The following GLI3 variants were observed in gnomAD, a reference collection of about 807,000 sequenced individuals.
The protein encoded by GLI3 is transcription activator GLI3.
Under a neutral mutation model 100.8 loss-of-function variants are expected in GLI3, and 20 were observed. The ratio of observed to expected loss-of-function variants is 0.20; its 90% CI spans 0.14 to 0.29. GLI3 has a LOEUF of 0.29. GLI3 is among the 10% of genes least tolerant of loss of function. The pLI, the probability that GLI3 is intolerant of heterozygous loss-of-function variation, is 1.00. For missense variants in GLI3, 2,040 were observed against 2,128.5 expected, an observed-to-expected ratio of 0.96 and a Z score of 0.82; for synonymous variants, 938 against 860.5, an observed-to-expected ratio of 1.09 and a Z score of -1.58.
chr7:42,142,703 C>T (rs1786597781), intron 3 of GLI3, among the ~76,000 whole-genome samples: 1 of 151,658 alleles, frequency 6.6e-6, no homozygotes, highest in Non-Finnish European at 1.5e-5. Flanking sequence ...TCCAAGTTGT[C>T]TTGCAATGCA....
At chr7:42,182,935 A>T (rs1446797928) in intron 2 of GLI3, among the ~76,000 whole-genome samples, 2 of 151,634 alleles carry the variant, frequency 1.3e-5, no homozygotes, top group Non-Finnish European at 2.9e-5. Flanking sequence ...TACACAAAAA[A>T]ATTAGCTGGG....
At chr7:42,185,394 T>A (rs1787699092) in intron 2 of GLI3, among the ~76,000 whole-genome samples, 2 of 152,248 alleles carry the variant, frequency 1.3e-5, no homozygotes, top group Admixed American at 1.3e-4. Context: ...CGCATCTTTT[T>A]CCTGCATCCA....
intron 3 of GLI3, among the ~76,000 whole-genome samples, chr7:42,113,905 C>T (rs566031011): frequency 5.3e-5 from 8 of 152,174 alleles, no homozygotes; most frequent in Non-Finnish European, 1.2e-4. Context: ...GACTTTGATA[C>T]ACATGTCCAC....
intron 2 of GLI3, among the ~76,000 whole-genome samples, chr7:42,192,819 T>TTC (rs1297508933): frequency 1.3e-5 from 2 of 152,204 alleles, no homozygotes; most frequent in African/African-American, 4.8e-5. Flanking sequence ...CCACCTTGAA[T>TTC]TCGTGCCTTT....
chr7:42,047,160 T>C (rs921827021), intron 5 of GLI3, among the ~76,000 whole-genome samples: 34 of 152,274 alleles, frequency 2.2e-4, no homozygotes, highest in African/African-American at 6.7e-4. Context: ...TTTCTCAAAA[T>C]AAAATAAAAT....
At position 41,965,676 on chromosome 7, in the gene GLI3, C is replaced by T. The variant is rs768034418; in HGVS notation, c.3397G>A (p.Gly1133Arg). The change falls in exon 15 of 15, where the codon GGG (glycine) becomes AGG (arginine). Residue 1133 changes from glycine to arginine, a missense_variant. Coordinates refer to ENST00000395925, the MANE Select transcript of GLI3 (RefSeq NM_000168.6). ...TGGCCAGCGTGGCTGTCTGGCAGCCCGGGCGCGTCAAAGTCACCGGGCCCG... is the reference window on the plus strand; with the variant it reads ...TGGCCAGCGTGGCTGTCTGGCAGCCTGGGCGCGTCAAAGTCACCGGGCCCG... ...PHGPGDFDAP[G>R]LPDSHAGQQF... 1.4e-5 allele frequency: 22 copies of T among 1,613,064 alleles called. No homozygotes were observed. Among genetic ancestry groups the T allele is most frequent in the East Asian group, 2.2e-5 (1 of 44,836 alleles).
chr7:42,159,623 C>T (rs1371704578), intron 2 of GLI3, among the ~76,000 whole-genome samples: 2 of 152,152 alleles, frequency 1.3e-5, no homozygotes, highest in South Asian at 4.2e-4. Context: ...TCCATCCATG[C>T]GATATTAAAA....
At chr7:41,980,530 C>T (rs1787633072) in intron 10 of GLI3, among the ~76,000 whole-genome samples, 2 of 151,908 alleles carry the variant, frequency 1.3e-5, no homozygotes, top group South Asian at 2.1e-4. Context: ...GCTCTTGGTT[C>T]AGTTTTCCAA....
chr7:42,204,162 C>T (rs1788101972), intron 2 of GLI3, among the ~76,000 whole-genome samples: 3 of 152,070 alleles, frequency 2.0e-5, no homozygotes, highest in African/African-American at 7.2e-5. Context: ...CTAGCATCGC[C>T]TTCATGGGCC....
At chr7:41,980,007 T>A (rs990399760) in intron 10 of GLI3, among the ~76,000 whole-genome samples, 5 of 152,184 alleles carry the variant, frequency 3.3e-5, no homozygotes, top group African/African-American at 1.2e-4. Context: ...TTTACAAAAG[T>A]AAAGTTTTCT....
At chr7:42,168,545 A>C (rs902618694) in intron 2 of GLI3, among the ~76,000 whole-genome samples, 1 of 152,232 alleles carries the variant, frequency 6.6e-6, no homozygotes, top group Non-Finnish European at 1.5e-5. Context: ...ACAACTACAT[A>C]TAATGTAGAT....
rs1787146289 is a variant in GLI3 at position 41,965,615 on chromosome 7, C to T, written c.3458G>A (p.Gly1153Asp). 2 of 1,608,394 alleles carry T rather than the reference C, an allele frequency of 1.2e-6. No homozygotes were observed. The highest frequency in any genetic ancestry group is 8.5e-7 in the Non-Finnish European group (1 of 1,175,504). ...FHALEQPCPE[G>D]SKTDLPIQWN... is the part of the protein sequence containing the mutation. ...CTGAATGGGCAGGTCGGTTTTGCTG[C>T]CCTCGGGGCAGGGCTGCTCGAGGGC... is the stretch of plus-strand genomic sequence containing the variant. The change falls in exon 15 of 15, where the codon GGC (glycine) becomes GAC (aspartate). Residue 1153 changes from glycine to aspartate, a missense_variant. Gly to Asp is a moderately conservative substitution (Grantham distance 94). Transcript: ENST00000395925.
At chr7:42,117,073 GAATTCCCTATT>G (rs1411985440) in intron 3 of GLI3, among the ~76,000 whole-genome samples, 3 of 152,220 alleles carry the variant, frequency 2.0e-5, no homozygotes, top group Non-Finnish European at 4.4e-5. Flanking sequence ...ACCTATGGCA[GAATTCCCTATT>G]TTGTGGGAGT....
chr7:42,100,462 G>A (rs559224464), intron 3 of GLI3, among the ~76,000 whole-genome samples: 6 of 152,110 alleles, frequency 3.9e-5, no homozygotes, highest in Non-Finnish European at 7.3e-5. Context: ...GTGGCTGGGC[G>A]TGGTGGCTCA....
chr7:42,113,548 G>T (rs1046909575), intron 3 of GLI3: 1 of 1,188,110 alleles, frequency 8.4e-7, no homozygotes, highest in Middle Eastern at 2.7e-4. Context: ...GCAAGGAGGG[G>T]AATAACCCTA....
chr7:42,090,823 T>TA (rs1310126233), intron 3 of GLI3, among the ~76,000 whole-genome samples: 1 of 152,256 alleles, frequency 6.6e-6, no homozygotes, highest in African/African-American at 2.4e-5. Context: ...AGGACTGCCC[T>TA]AAACACTCTT....
At chr7:42,162,970 T>C (rs1371487841) in intron 2 of GLI3, among the ~76,000 whole-genome samples, 1 of 120,892 alleles carries the variant, frequency 8.3e-6, no homozygotes, top group East Asian at 2.3e-4. Flanking sequence ...AACACCTTTT[T>C]TTTTTTTTTT....
At chr7:41,999,231 G>A (rs1788219420) in intron 10 of GLI3, among the ~76,000 whole-genome samples, 1 of 152,062 alleles carries the variant, frequency 6.6e-6, no homozygotes, top group Non-Finnish European at 1.5e-5. Flanking sequence ...AAATGAAAGT[G>A]ACCTAGGACA....
intron 3 of GLI3, among the ~76,000 whole-genome samples, chr7:42,122,831 A>G (rs975804511): frequency 1.3e-5 from 2 of 152,236 alleles, no homozygotes; most frequent in Non-Finnish European, 2.9e-5. Context: ...GCTTTCTGAT[A>G]ATCAGATTTT....
Sources: gnomAD v4.1 joint callset for allele counts (sites outside exome capture counted in the v4.1 genomes callset) on GRCh38, gnomAD v4.1.1 for gene constraint, MANE v1.5 for transcripts, NCBI Gene and HGNC (gene_info 2026-07-23, HGNC 2026-07-21) for gene names.